Variants in TFEC observed in about 807,000 individuals in gnomAD.
TFEC encodes the protein transcription factor EC.
In TFEC, 31 loss-of-function variants were observed where a neutral mutation model predicts 41.6. The observed-to-expected ratio is 0.74, with a 90% CI of 0.56 to 1.01. The LOEUF is 1.01. Ranked by LOEUF, TFEC falls within the 50% of genes least tolerant of loss-of-function variation. TFEC has a pLI of 0.00. For missense variants in TFEC, 402 were observed against 404.1 expected, an observed-to-expected ratio of 0.99 and a Z score of 0.04; for synonymous variants, 143 against 140.6, an observed-to-expected ratio of 1.02 and a Z score of -0.12.
chr7:116,093,559 C>A (rs1278077977), intron 3 of TFEC, among the ~76,000 whole-genome samples: 1 of 152,010 alleles, frequency 6.6e-6, no homozygotes, highest in Non-Finnish European at 1.5e-5. Context: ...TTTCTTCTTT[C>A]TTTTTTTGTT....
intron 1 of TFEC, among the ~76,000 whole-genome samples, chr7:116,012,826 GAA>G (rs10568835): frequency 0.24 from 31,726 of 134,828 alleles, 3,648 homozygotes; most frequent in African/African-American, 0.28. Flanking sequence ...TTTATTTCTG[GAA>G]AAAAAAAAAA....
intron 4 of TFEC, 24 bp from the exon 5 acceptor site, chr7:115,954,666 A>C (rs1332246758): frequency 1.9e-6 from 3 of 1,600,778 alleles, no homozygotes; most frequent in Non-Finnish European, 1.7e-6. Flanking sequence ...AAATAATAAA[A>C]ACCATGCTTA....
At chr7:116,102,337 T>G (rs1416254698) in intron 3 of TFEC, among the ~76,000 whole-genome samples, 5 of 152,182 alleles carry the variant, frequency 3.3e-5, no homozygotes, top group African/African-American at 1.2e-4. Context: ...ACTGAAGAGC[T>G]TTCATTGGTG....
chr7:116,017,408 G>C (rs986505910), intron 1 of TFEC, among the ~76,000 whole-genome samples: 2 of 152,082 alleles, frequency 1.3e-5, no homozygotes, highest in African/African-American at 4.8e-5. Context: ...ATTTTTCGTA[G>C]AGATGGAGTT....
chr7:116,031,778 T>A (rs1411659284), upstream of TFEC, among the ~76,000 whole-genome samples: 2 of 152,054 alleles, frequency 1.3e-5, no homozygotes, highest in Admixed American at 6.6e-5. Context: ...AGCTATTAAG[T>A]AAAAAAATTG....
At chr7:115,991,451 A>C (rs1321170142) in intron 1 of TFEC, among the ~76,000 whole-genome samples, 1 of 152,214 alleles carries the variant, frequency 6.6e-6, no homozygotes, top group Non-Finnish European at 1.5e-5. Flanking sequence ...AAGAGTCAAG[A>C]GCCATCAGTG....
Position 115,942,049 on chromosome 7 carries a change from T to C in TFEC, c.516-9A>G, listed in dbSNP as rs758940649. 6.2e-7 allele frequency: 1 copy of C among 1,605,696 alleles called. No individual in the cohort carries two copies. The highest frequency in any genetic ancestry group is 1.1e-5 in the South Asian group (1 of 89,480). ...TGTTCCAGCGCATATCACTGTAGAA[T>C]GGAGAGATAACCTTTTCACAATTGT... On this transcript the variant is annotated splice_polypyrimidine_tract_variant and intron_variant, in intron 6 of 7. Coordinates refer to ENST00000265440, the MANE Select transcript of TFEC (RefSeq NM_012252.4).
chr7:116,068,078 G>A (rs1213155790), intron 3 of TFEC, among the ~76,000 whole-genome samples: 1 of 151,622 alleles, frequency 6.6e-6, no homozygotes, highest in Non-Finnish European at 1.5e-5. Context: ...TGCTTGTTTT[G>A]AAAAGGAATA....
intron 1 of TFEC, among the ~76,000 whole-genome samples, chr7:116,141,540 A>C (rs1308587133): frequency 6.6e-6 from 1 of 152,196 alleles, no homozygotes; most frequent in Non-Finnish European, 1.5e-5. Flanking sequence ...CTTGGGTATG[A>C]TCATGTGTGC....
chr7:115,954,491 A>G (rs1792112818), intron 5 of TFEC, 95 bp downstream of exon 5: 1 of 982,316 alleles, frequency 1.0e-6, no homozygotes, highest in Admixed American at 3.0e-5. Context: ...GCCATCTGAC[A>G]TGAAAATACT....
chr7:116,131,340 T>C (rs1798328557), intron 1 of TFEC, among the ~76,000 whole-genome samples: 1 of 152,172 alleles, frequency 6.6e-6, no homozygotes, highest in African/African-American at 2.4e-5. Context: ...ACTGTAGACT[T>C]CCTTCTGAGG....
intron 3 of TFEC, among the ~76,000 whole-genome samples, chr7:116,054,258 A>G (rs1796378975): frequency 6.6e-6 from 1 of 152,204 alleles, no homozygotes; most frequent in African/African-American, 2.4e-5. Flanking sequence ...TGGAGTTGGG[A>G]TCTTCAAAGA....
chr7:116,126,115 T>C (rs1798203891), intron 1 of TFEC, among the ~76,000 whole-genome samples: 1 of 151,546 alleles, frequency 6.6e-6, no homozygotes, highest in Non-Finnish European at 1.5e-5. Flanking sequence ...CCAAGCAGTA[T>C]AAAAATCTCC....
intron 3 of TFEC, among the ~76,000 whole-genome samples, chr7:115,970,635 T>G (rs889847541): frequency 5.3e-5 from 8 of 151,954 alleles, no homozygotes; most frequent in Admixed American, 2.0e-4. Flanking sequence ...GAGGAGCTAT[T>G]TAGAGAAGAA....
chr7:116,106,511 T>C (rs1231943573), intron 3 of TFEC, among the ~76,000 whole-genome samples: 5 of 152,150 alleles, frequency 3.3e-5, no homozygotes, highest in African/African-American at 9.7e-5. Context: ...GCCTCCTGAG[T>C]AGCTGGGACT....
At chr7:115,957,324 T>C (rs780997657) in intron 3 of TFEC, among the ~76,000 whole-genome samples, 1 of 151,828 alleles carries the variant, frequency 6.6e-6, no homozygotes, top group Non-Finnish European at 1.5e-5. Context: ...AGGCATACTT[T>C]TTCTCATTGT....
At chr7:116,091,562 G>C (rs996689313) in intron 3 of TFEC, among the ~76,000 whole-genome samples, 2 of 152,020 alleles carry the variant, frequency 1.3e-5, no homozygotes, top group Non-Finnish European at 2.9e-5. Context: ...TTTACAAGAT[G>C]TTTCCGTAAG....
At chr7:116,033,392 ATAG>A (rs1361535704), upstream of TFEC, among the ~76,000 whole-genome samples, 3 of 152,118 alleles carry the variant, frequency 2.0e-5, no homozygotes, top group Admixed American at 6.6e-5. Context: ...AGAGAAACTA[ATAG>A]TACCTAGAGC....
chr7:116,084,511 G>C (rs1482716222), intron 3 of TFEC, among the ~76,000 whole-genome samples: 1 of 151,754 alleles, frequency 6.6e-6, no homozygotes, highest in Non-Finnish European at 1.5e-5. Context: ...TGTTAGCCAA[G>C]ATCTGAACAG....
Sources: allele counts gnomAD v4.1 joint callset (sites outside exome capture counted in the v4.1 genomes callset), GRCh38; gene constraint gnomAD v4.1.1; transcripts MANE v1.5; gene names NCBI Gene and HGNC (gene_info 2026-07-23, HGNC 2026-07-21).